PTPDC1: variants seen among roughly 807,000 people sequenced by gnomAD.
PTPDC1 encodes protein tyrosine phosphatase domain-containing protein 1.
In PTPDC1, 53 loss-of-function variants were observed where a neutral mutation model predicts 75.3. That is an observed-to-expected ratio of 0.70 (90% CI 0.56 to 0.88). The LOEUF (loss-of-function observed/expected upper bound fraction) is 0.88, where lower values mean the gene tolerates loss of function less well. Ranked by LOEUF, PTPDC1 falls within the 40% of genes least tolerant of loss-of-function variation. The pLI is 0.00. For synonymous variants in PTPDC1, 349 were observed against 366.2 expected, an observed-to-expected ratio of 0.95 and a Z score of 0.54; for missense variants, 925 against 998.6, an observed-to-expected ratio of 0.93 and a Z score of 0.99.
chr9:94,081,152 GC>G (rs1826870911), upstream of PTPDC1, among the ~76,000 whole-genome samples: 2 of 151,892 alleles, frequency 1.3e-5, no homozygotes. Context: ...ACTACACCCA[GC>G]CCATTTTTGT....
At chr9:94,064,080 A>G (rs1271462527) in intron 1 of PTPDC1, among the ~76,000 whole-genome samples, 1 of 152,140 alleles carries the variant, frequency 6.6e-6, no homozygotes, top group African/African-American at 2.4e-5. Context: ...TTTTGTTTTC[A>G]TCAATATTTA....
chr9:94,074,503 C>T lies in PTPDC1; in HGVS notation c.82+9682C>T, dbSNP rs192458112. Among the ~76,000 whole-genome samples the T allele has an allele frequency of 2.2e-3, 340 of 152,196 alleles. 1 individual carries two copies. The highest frequency in any genetic ancestry group is 3.7e-3 in the Non-Finnish European group (251 of 67,988). On this transcript the variant is annotated intron_variant, in intron 2 of 9. Coordinates refer to the PTPDC1 transcript ENST00000375360. ...GCAAGGTGTGACTGAAGCTCATTCC[C>T]GGCTGGGCCCTGTGGTCCTCAGGGG...
rs1044697664 is a variant in PTPDC1, at chr9:94,091,605, G to C, written c.616+3342G>C. On this transcript the variant is annotated intron_variant, in intron 4 of 8. Coordinates refer to ENST00000620992, the MANE Select transcript of PTPDC1 (RefSeq NM_001253829.2). ...GAATGATGCTGGCCTCATAAAATGAGTTAGGGAGGATTCCCTCTTTTTCTG... is the reference window on the plus strand; with the variant it reads ...GAATGATGCTGGCCTCATAAAATGACTTAGGGAGGATTCCCTCTTTTTCTG... Among the ~76,000 whole-genome samples the C allele has an allele frequency of 3.1e-3, 479 of 152,268 alleles. 3 individuals carry two copies. Among genetic ancestry groups the C allele is most frequent in the Non-Finnish European group, 5.8e-3 (395 of 68,012 alleles).
In PTPDC1 at chr9:94,097,584, C is replaced by T. The variant is rs770125896; in HGVS notation, c.1018C>T (p.Pro340Ser). The T allele has an allele frequency of 1.9e-6, 3 of 1,613,938 alleles. No individual in the cohort carries two copies. The highest frequency in any genetic ancestry group is 1.7e-5 in the Admixed American group (1 of 60,026). ...TGAGGCACGACTTCTGAAACACGTGCCAAAAATTATCCACCTAGTTTGCAA... is the reference window on the plus strand; with the variant it reads ...TGAGGCACGACTTCTGAAACACGTGTCAAAAATTATCCACCTAGTTTGCAA... ...GYEARLLKHV[P>S]KIIHLVCKLL... Residue 340 changes from proline (P) to serine (S), a missense_variant, in exon 6 of 9, where the codon CCA becomes TCA. Physicochemically the swap from Pro to Ser is moderately conservative, Grantham distance 74. Transcript: ENST00000620992.
chr9:94,103,738 A>G (rs926123700), intron 7 of PTPDC1, among the ~76,000 whole-genome samples: 1 of 152,174 alleles, frequency 6.6e-6, no homozygotes, highest in African/African-American at 2.4e-5. Flanking sequence ...CAGTGGACAC[A>G]TTTTTAAGTA....
At chr9:94,061,761 C>G (rs1826147387) in intron 1 of PTPDC1, among the ~76,000 whole-genome samples, 1 of 152,232 alleles carries the variant, frequency 6.6e-6, no homozygotes, top group Non-Finnish European at 1.5e-5. Context: ...TGGGGCTGCA[C>G]AGGGCAGCAG....
At position 94,097,486 on chromosome 9, in the gene PTPDC1, G is replaced by A. The variant is rs758827451; in HGVS notation, c.920G>A (p.Cys307Tyr). Residue 307 changes from cysteine to tyrosine, a missense_variant, in exon 6 of 9, where the codon TGC becomes TAC. Transcript: ENST00000620992. ...FLTPLRNIFS[C>Y]CDPKAHAVTL... is the part of the protein sequence containing the mutation. ...ACTCCTCTCCGCAATATATTCTCTT[G>A]CTGTGATCCCAAAGCACATGCTGTC... 3.1e-6 allele frequency: 5 copies of A among 1,614,170 alleles called. No homozygotes were observed. The highest frequency in any genetic ancestry group is 1.6e-4 in the Middle Eastern group (1 of 6,062).
chr9:94,084,653 T>G lies in PTPDC1; in HGVS notation c.123T>G (p.Ser41=), dbSNP rs751556836. The G allele has an allele frequency of 6.2e-7, 1 of 1,613,472 alleles. No individual in the cohort carries two copies. Among genetic ancestry groups the G allele is most frequent in the South Asian group, 1.1e-5 (1 of 91,034 alleles). ...GGCTGCAGCAGGCCCGGCGGGGCTC[T>G]GGCTTGGGCTCCGGCTCTGCCACGA... ...VLRLQQARRG[S]GLGSGSATKL... Residue 41 remains serine (S), a synonymous_variant, in exon 1 of 9, where the codon TCT becomes TCG. Coordinates refer to ENST00000620992, the MANE Select transcript of PTPDC1 (RefSeq NM_001253829.2).
chr9:94,053,653 G>T (rs969507792), intron 1 of PTPDC1, among the ~76,000 whole-genome samples: 1 of 152,172 alleles, frequency 6.6e-6, no homozygotes, highest in African/African-American at 2.4e-5. Flanking sequence ...AGAAAATTGG[G>T]CTGAGGGTTG....
chr9:94,101,282 T>C, intron 6 of PTPDC1: 1 of 276,950 alleles, frequency 3.6e-6, no homozygotes, highest in Non-Finnish European at 6.7e-6. Context: ...CCTTTCCCTG[T>C]GCTATAAGCT....
rs112225858 is a variant in PTPDC1 at position 94,098,409 on chromosome 9, G to A, written c.1843G>A (p.Val615Ile). ...CTCCAGTCCCAAAGCACAGTTCTTG[G>A]TTGAACATGAAACCCAGGACAGTAA... Reference protein sequence around the residue: ...CGSSPKAQFLVEHETQDSKDL... With the variant: ...CGSSPKAQFLIEHETQDSKDL... The change falls in exon 6 of 9, where the codon GTT (valine) becomes ATT (isoleucine). Residue 615 changes from valine to isoleucine, a missense_variant. Coordinates refer to ENST00000620992, the MANE Select transcript of PTPDC1 (RefSeq NM_001253829.2). 2.3e-3 allele frequency: 3,730 copies of A among 1,614,164 alleles called. 68 individuals carry two copies. The African/African-American group carries it at 0.044, about 19-fold the overall frequency.
At chr9:94,098,721 T>G in intron 6 of PTPDC1, 142 bp downstream of exon 6, 1 of 732,724 alleles carries the variant, frequency 1.4e-6, no homozygotes, top group Non-Finnish European at 2.2e-6. Flanking sequence ...AGGTTTCTCG[T>G]CTCTGATGCG....
chr9:94,039,286 T>A (rs117462701), intron 1 of PTPDC1, among the ~76,000 whole-genome samples: 5 of 152,300 alleles, frequency 3.3e-5, no homozygotes, highest in Admixed American at 6.5e-5. Flanking sequence ...AATGTCTTTA[T>A]AGTCTATGAG....
intron 2 of PTPDC1, among the ~76,000 whole-genome samples, chr9:94,071,826 G>A (rs888784946): frequency 1.3e-4 from 20 of 152,330 alleles, no homozygotes; most frequent in African/African-American, 4.8e-4. Context: ...AAATCAATTT[G>A]AGGAGATTGC....
intron 2 of PTPDC1, among the ~76,000 whole-genome samples, chr9:94,086,358 T>C (rs1414521057): frequency 6.6e-6 from 1 of 152,272 alleles, no homozygotes; most frequent in African/African-American, 2.4e-5. Flanking sequence ...TTTTGCTTTA[T>C]TGCTGACTAA....
intron 4 of PTPDC1, among the ~76,000 whole-genome samples, chr9:94,094,685 G>A (rs1343374028): frequency 1.3e-5 from 2 of 152,188 alleles, no homozygotes; most frequent in African/African-American, 2.4e-5. Flanking sequence ...CCTTGCTGCC[G>A]CCTTGCAGTT....
intron 1 of PTPDC1, among the ~76,000 whole-genome samples, chr9:94,055,359 A>G (rs974147559): frequency 3.3e-5 from 5 of 152,190 alleles, no homozygotes; most frequent in African/African-American, 1.2e-4. Context: ...TACTCAGATG[A>G]GCAGAAAACT....
At chr9:94,068,517 G>A (rs369117122) in intron 2 of PTPDC1, among the ~76,000 whole-genome samples, 13 of 152,128 alleles carry the variant, frequency 8.5e-5, no homozygotes, top group East Asian at 3.9e-4. Context: ...ATTTTGCCCC[G>A]TCACTGGTTA....
intron 1 of PTPDC1, among the ~76,000 whole-genome samples, chr9:94,059,892 T>C (rs1187096946): frequency 2.6e-5 from 4 of 152,198 alleles, no homozygotes; most frequent in African/African-American, 7.2e-5. Flanking sequence ...CTGATGTGTC[T>C]TGAGATTGCT....
Sources: gnomAD v4.1 joint callset for allele counts (sites outside exome capture counted in the v4.1 genomes callset) on GRCh38, gnomAD v4.1.1 for gene constraint, MANE v1.5 for transcripts, NCBI Gene and HGNC (gene_info 2026-07-23, HGNC 2026-07-21) for gene names.